Variants in DHX36 observed in about 807,000 individuals in gnomAD.
DHX36 encodes the protein DEAH-box helicase 36.
In DHX36, 50 loss-of-function variants were observed where a neutral mutation model predicts 139.0. The observed-to-expected ratio is 0.36, with a 90% CI of 0.29 to 0.46. DHX36 has a LOEUF of 0.46. DHX36 is among the 20% of genes least tolerant of loss of function. DHX36 has a pLI of 1.00. For synonymous variants in DHX36, 425 were observed against 401.9 expected (o/e 1.06, Z -0.69); for missense variants, 1,024 against 1,211.3 (o/e 0.85, Z 2.29).
At chr3:154,286,182 A>AC (rs1559946839) in intron 17 of DHX36, among the ~76,000 whole-genome samples, 2 of 99,616 alleles carry the variant, frequency 2.0e-5, no homozygotes, top group Non-Finnish European at 4.7e-5. Flanking sequence ...AAAAAAAAAA[A>AC]AAAAAAAAAA....
chr3:154,313,963 T>C (rs1359443132), intron 3 of DHX36, among the ~76,000 whole-genome samples: 1 of 152,168 alleles, frequency 6.6e-6, no homozygotes, highest in Non-Finnish European at 1.5e-5. Flanking sequence ...ACATGAAGCA[T>C]TTATGACAAC....
chr3:154,312,637 T>C (rs1559958543), intron 3 of DHX36, among the ~76,000 whole-genome samples: 1 of 151,088 alleles, frequency 6.6e-6, no homozygotes, highest in East Asian at 2.0e-4. Context: ...GGTCAGGAGT[T>C]TGAGACCAGC....
intron 23 of DHX36, 143 bp downstream of exon 23, chr3:154,277,455 T>A: frequency 1.5e-6 from 1 of 671,930 alleles, no homozygotes; most frequent in South Asian, 3.9e-5. Flanking sequence ...ATAGGTTATT[T>A]GTTAGAGGGA....
chr3:154,306,789 A>G (rs191868509), intron 5 of DHX36, among the ~76,000 whole-genome samples: 1 of 152,320 alleles, frequency 6.6e-6, no homozygotes, highest in African/African-American at 2.4e-5. Context: ...TTGTACAACT[A>G]AAAGTAACCA....
chr3:154,303,894 G>T (rs540669350), intron 8 of DHX36, among the ~76,000 whole-genome samples: 1 of 152,044 alleles, frequency 6.6e-6, no homozygotes, highest in African/African-American at 2.4e-5. Flanking sequence ...AAATCACTTC[G>T]GTACTGTTAT....
At chr3:154,317,281 T>C (rs1302094780) in intron 1 of DHX36, among the ~76,000 whole-genome samples, 1 of 152,044 alleles carries the variant, frequency 6.6e-6, no homozygotes, top group African/African-American at 2.4e-5. Context: ...TTTAGGCAAT[T>C]AAGAACAAAG....
intron 17 of DHX36, among the ~76,000 whole-genome samples, chr3:154,287,233 T>G (rs912968918): frequency 1.3e-5 from 2 of 152,198 alleles, no homozygotes; most frequent in African/African-American, 4.8e-5. Context: ...CCAACACACA[T>G]CAACTGCAGA....
At chr3:154,315,893 A>C (rs948436632) in intron 2 of DHX36, 146 bp downstream of exon 2, 1 of 975,180 alleles carries the variant, frequency 1.0e-6, no homozygotes, top group African/African-American at 1.6e-5. Flanking sequence ...AATTTTTAAA[A>C]GTCATTTTCT....
intron 19 of DHX36, among the ~76,000 whole-genome samples, chr3:154,284,088 A>G (rs1719423798): frequency 6.6e-6 from 1 of 152,222 alleles, no homozygotes; most frequent in Non-Finnish European, 1.5e-5. Context: ...ACTATTACAA[A>G]ATTAAAAATG....
At chr3:154,315,017 C>T (rs1712910809) in intron 3 of DHX36, 29 bp downstream of exon 3, 1 of 1,497,204 alleles carries the variant, frequency 6.7e-7, no homozygotes, top group Non-Finnish European at 9.1e-7. Context: ...AAAAAAATGA[C>T]AAAATATTTT....
intron 15 of DHX36, among the ~76,000 whole-genome samples, chr3:154,292,186 G>A (rs934648070): frequency 2.0e-5 from 3 of 152,100 alleles, no homozygotes; most frequent in Non-Finnish European, 4.4e-5. Flanking sequence ...ACTGTAGTGA[G>A]GATTAAGAAA....
At chr3:154,313,059 T>TA (rs2108363279) in intron 3 of DHX36, among the ~76,000 whole-genome samples, 1 of 151,220 alleles carries the variant, frequency 6.6e-6, no homozygotes, top group South Asian at 2.1e-4. Flanking sequence ...ACACTTATCT[T>TA]ACCTTGTAAT....
rs1434939862 is a variant in DHX36, at chr3:154,284,995, G to T, written c.2032-8C>A. On this transcript the variant is annotated splice_polypyrimidine_tract_variant and splice_region_variant and intron_variant, in intron 17 of 24. Coordinates refer to ENST00000496811, the MANE Select transcript of DHX36 (RefSeq NM_020865.3). ...TTGTTTATCCAAAGCGTTCTGTAAA[G>T]GAAGAGTGTGTGTTTAAAATAGATC... The T allele has an allele frequency of 6.2e-7, 1 of 1,613,852 alleles. No individual in the cohort carries two copies. The highest frequency in any genetic ancestry group is 8.5e-7 in the Non-Finnish European group (1 of 1,179,904).
chr3:154,283,576 C>G (rs766506362), intron 19 of DHX36, among the ~76,000 whole-genome samples: 1 of 151,722 alleles, frequency 6.6e-6, no homozygotes, highest in African/African-American at 2.4e-5. Flanking sequence ...TCAAAAAGAA[C>G]ACACTATTAA....
rs946819741 is a variant in DHX36, at chr3:154,278,682, G to A, written c.2568-964C>T. On this transcript the variant is annotated intron_variant, in intron 22 of 24. Transcript: ENST00000496811. ...CTTAGTAGAGATGGGGTTTCACCAC[G>A]ATGGCCAGGCTGGTCTCAAACTTCT... 4 of 152,076 alleles carry A rather than the reference G, an allele frequency of 2.6e-5. No homozygotes were observed. The East Asian group carries it at 7.7e-4, about 29-fold the overall frequency. The allele number at this position is 152,076 out of a possible 1,614,324, so 9.4% of individuals were successfully genotyped here.
At chr3:154,284,070 T>G (rs1265454474) in intron 19 of DHX36, among the ~76,000 whole-genome samples, 1 of 152,224 alleles carries the variant, frequency 6.6e-6, no homozygotes, top group Admixed American at 6.5e-5. Flanking sequence ...AAACGGTAAA[T>G]GTAATGAACT....
At chr3:154,299,743 G>A (rs1712192812) in intron 12 of DHX36, 95 bp downstream of exon 12, 1 of 872,488 alleles carries the variant, frequency 1.1e-6, no homozygotes, top group Non-Finnish European at 2.0e-6. Context: ...TGACCTAGTA[G>A]AAGCAACACT....
chr3:154,321,443 C>T (rs1360895259), intron 1 of DHX36, among the ~76,000 whole-genome samples: 1 of 152,166 alleles, frequency 6.6e-6, no homozygotes, highest in Non-Finnish European at 1.5e-5. Flanking sequence ...GTTACTGTCC[C>T]TGAAAAATCT....
Position 154,283,151 on chromosome 3 carries a change from G to A in DHX36, c.2376+37C>T, listed in dbSNP as rs1576856899. ...ATGGATGTATATATTCTCTAATCTA[G>A]CATATATGATAATTACTGCAAAACA... is the stretch of plus-strand genomic sequence containing the variant. On this transcript the variant is annotated intron_variant, in intron 20 of 24. Transcript: ENST00000496811. 2.7e-6 allele frequency: 4 copies of A among 1,457,600 alleles called. No homozygotes were observed. The East Asian group carries it at 6.8e-5, about 25-fold the overall frequency. 90.3% of individuals were successfully genotyped at this position (1,457,600 alleles called of 1,614,324 possible).
Sources: allele counts gnomAD v4.1 joint callset (sites outside exome capture counted in the v4.1 genomes callset), GRCh38; gene constraint gnomAD v4.1.1; transcripts MANE v1.5; gene names NCBI Gene and HGNC (gene_info 2026-07-23, HGNC 2026-07-21).